CABP5: variants seen among roughly 807,000 people sequenced by gnomAD.
CABP5 encodes calcium-binding protein 5.
Under a neutral mutation model 21.9 loss-of-function variants are expected in CABP5, and 17 were observed. The ratio of observed to expected loss-of-function variants is 0.78; its 90% CI spans 0.53 to 1.17. The LOEUF (loss-of-function observed/expected upper bound fraction) is 1.17, where lower values mean the gene tolerates loss of function less well. CABP5 is among the 50% of genes most tolerant of loss of function. The pLI is 0.00. For missense variants in CABP5, 229 were observed against 228.9 expected (o/e 1.00, Z 0.00); for synonymous variants, 85 against 79.4 (o/e 1.07, Z -0.37).
chr19:48,038,137 A>G (rs1016571753), intron 4 of CABP5, among the ~76,000 whole-genome samples: 1 of 152,056 alleles, frequency 6.6e-6, no homozygotes, highest in African/African-American at 2.4e-5. Flanking sequence ...GGCTGGTCTT[A>G]AAGTCCTGAC....
chr19:48,032,750 C>G (rs1486229327), intron 5 of CABP5, among the ~76,000 whole-genome samples: 1 of 151,986 alleles, frequency 6.6e-6, no homozygotes, highest in East Asian at 1.9e-4. Flanking sequence ...CCTGCCTCAG[C>G]CCCCGTATAG....
intron 4 of CABP5, among the ~76,000 whole-genome samples, chr19:48,038,392 G>T (rs1326169154): frequency 1.3e-5 from 2 of 152,198 alleles, no homozygotes; most frequent in Non-Finnish European, 2.9e-5. Context: ...TATTTTATCA[G>T]GGGATATAAG....
chr19:48,030,629 G>C, intron 5 of CABP5, 47 bp from the exon 6 acceptor site: 1 of 1,593,716 alleles, frequency 6.3e-7, no homozygotes, highest in Non-Finnish European at 8.6e-7. Flanking sequence ...CGTTGTAAAA[G>C]CCCCCAACAT....
chr19:48,030,975 A>T (rs1039213835), intron 5 of CABP5, among the ~76,000 whole-genome samples: 3 of 152,066 alleles, frequency 2.0e-5, no homozygotes, highest in East Asian at 3.9e-4. Flanking sequence ...CAAAAAAATT[A>T]AAAAATTAAA....
chr19:48,030,631 C>T lies in CABP5; in HGVS notation c.497-49G>A, dbSNP rs779742449. 8 of 1,592,318 alleles carry T rather than the reference C, an allele frequency of 5.0e-6. No homozygotes were observed. The South Asian group carries it at 7.9e-5, about 16-fold the overall frequency. On this transcript the variant is annotated intron_variant, in intron 5 of 5. Coordinates refer to ENST00000293255, the MANE Select transcript of CABP5 (RefSeq NM_019855.5). ...CAGTAAGGCATCTCGTTGTAAAAGCCCCCAACATTATTTTTTGAGCCCTTC... is the reference window on the plus strand; with the variant it reads ...CAGTAAGGCATCTCGTTGTAAAAGCTCCCAACATTATTTTTTGAGCCCTTC...
chr19:48,032,643 C>CT (rs1333569414), intron 5 of CABP5, among the ~76,000 whole-genome samples: 1 of 148,014 alleles, frequency 6.8e-6, no homozygotes, highest in African/African-American at 2.5e-5. Flanking sequence ...TTCTTTTTTT[C>CT]TTTTTTTGAG....
chr19:48,034,155 G>A, intron 5 of CABP5, 60 bp downstream of exon 5: 4 of 1,447,208 alleles, frequency 2.8e-6, no homozygotes, highest in South Asian at 3.0e-5. Flanking sequence ...CTGACAGTGA[G>A]TTGGAAGTGG....
intron 4 of CABP5, among the ~76,000 whole-genome samples, chr19:48,037,744 T>C (rs1967429479): frequency 6.6e-6 from 1 of 152,200 alleles, no homozygotes; most frequent in African/African-American, 2.4e-5. Flanking sequence ...ACACACTGGA[T>C]TTCATAAGGC....
In CABP5 at chr19:48,029,766, G is replaced by A. The variant is rs1033446763; in HGVS notation, c.*791C>T. Among the ~76,000 whole-genome samples, 69 of 150,672 alleles carry A rather than the reference G, an allele frequency of 4.6e-4. No individual in the cohort carries two copies. Among genetic ancestry groups the A allele is most frequent in the African/African-American group, 1.7e-3 (68 of 40,876 alleles). ...CCCCTGAGTATCTTACACAAAGGAA[G>A]GGATGTGGGAGGGGAGACAGAGACA... is the stretch of plus-strand genomic sequence containing the variant. On this transcript the variant is annotated 3_prime_UTR_variant, in exon 6 of 6. Coordinates refer to ENST00000293255, the MANE Select transcript of CABP5 (RefSeq NM_019855.5).
In CABP5 at chr19:48,037,082, C is replaced by G. The variant is rs1339905688; in HGVS notation, c.348+2126G>C. ...GAGCTGCCATATGACCCAGCAATAC[C>G]ACTTCTGGGTATGTATCTAAAGTAA... is the stretch of plus-strand genomic sequence containing the variant. On this transcript the variant is annotated intron_variant, in intron 4 of 5. Transcript: ENST00000293255. Among the ~76,000 whole-genome samples the G allele has an allele frequency of 2.0e-5, 3 of 151,952 alleles. No individual in the cohort carries two copies. In the East Asian group the frequency reaches 5.8e-4, roughly 29 times the overall value.
intron 3 of CABP5, among the ~76,000 whole-genome samples, chr19:48,039,799 T>C (rs1206601593): frequency 7.3e-6 from 1 of 136,402 alleles, no homozygotes; most frequent in East Asian, 2.4e-4. Context: ...CTGCAACCTC[T>C]GCCTCCCGGG....
chr19:48,039,363 C>G, intron 3 of CABP5, 46 bp from the exon 4 acceptor site: 3 of 1,404,742 alleles, frequency 2.1e-6, no homozygotes, highest in Non-Finnish European at 3.0e-6. Context: ...AAGCCCTGGC[C>G]TTCCATTACC....
intron 5 of CABP5, among the ~76,000 whole-genome samples, chr19:48,031,868 G>A (rs977143496): frequency 7.5e-6 from 1 of 133,992 alleles, no homozygotes; most frequent in Non-Finnish European, 1.5e-5. Flanking sequence ...ACCTAATCCT[G>A]GCTAGATCTA....
At chr19:48,041,375 T>C in intron 2 of CABP5, 198 bp downstream of exon 2, 4 of 605,862 alleles carry the variant, frequency 6.6e-6, no homozygotes, top group South Asian at 6.0e-5. Flanking sequence ...TACTTGAGGA[T>C]GGATATGCCT....
intron 3 of CABP5, among the ~76,000 whole-genome samples, chr19:48,039,740 G>A (rs1194320094): frequency 1.0e-5 from 1 of 99,664 alleles, no homozygotes; most frequent in African/African-American, 4.1e-5. Context: ...TTGAGACAGA[G>A]TCCCACTCTG....
chr19:48,034,402 T>C, intron 4 of CABP5, 40 bp from the exon 5 acceptor site: 1 of 1,417,660 alleles, frequency 7.1e-7, no homozygotes, highest in South Asian at 1.7e-5. Context: ...GCAATGACAA[T>C]GATGATAGCC....
At position 48,029,560 on chromosome 19, in the gene CABP5, G is replaced by A. The variant is rs1967310680; in HGVS notation, c.*997C>T. Among the ~76,000 whole-genome samples, 1 of 152,132 alleles carries A rather than the reference G, an allele frequency of 6.6e-6. No homozygotes were observed. Among genetic ancestry groups the A allele is most frequent in the Non-Finnish European group, 1.5e-5 (1 of 68,020 alleles). The stretch of plus-strand genomic sequence containing the variant: ...GAGACACAGCCTCTGGGTGGTCCAG[G>A]ACAGACCAGCGCGGAGGTAGGAGGC... On this transcript the variant is annotated 3_prime_UTR_variant, in exon 6 of 6. Transcript: ENST00000293255.
intron 4 of CABP5, among the ~76,000 whole-genome samples, chr19:48,038,371 G>A (rs938103732): frequency 3.9e-5 from 6 of 152,314 alleles, no homozygotes; most frequent in African/African-American, 1.4e-4. Flanking sequence ...AAAGCTCTCA[G>A]AACGAGAAGG....
At chr19:48,039,564 T>C (rs1198980743) in intron 3 of CABP5, among the ~76,000 whole-genome samples, 1 of 152,094 alleles carries the variant, frequency 6.6e-6, no homozygotes, top group African/African-American at 2.4e-5. Flanking sequence ...GGTTAAGATG[T>C]TTCTCCTCCT....
Sources: allele counts gnomAD v4.1 joint callset (sites outside exome capture counted in the v4.1 genomes callset), GRCh38; gene constraint gnomAD v4.1.1; transcripts MANE v1.5; gene names NCBI Gene and HGNC (gene_info 2026-07-23, HGNC 2026-07-21).